Variants in SNX29 observed in about 807,000 individuals in gnomAD.
SNX29 encodes sorting nexin 29, also known as sorting nexin-29.
SNX29 carries 78 observed loss-of-function variants against 102.1 expected under a neutral mutation model. That is an observed-to-expected ratio of 0.76 (90% CI 0.64 to 0.92). SNX29 has a LOEUF of 0.92. Ranked by LOEUF, SNX29 falls within the 40% of genes least tolerant of loss-of-function variation. SNX29 has a pLI of 0.00. For synonymous variants in SNX29, 580 were observed against 414.5 expected (o/e 1.40, Z -4.85); for missense variants, 1,280 against 1,061.7 (o/e 1.21, Z -2.86).
At chr16:12,348,373 G>C (rs558101717) in intron 15 of SNX29, among the ~76,000 whole-genome samples, 12 of 152,292 alleles carry the variant, frequency 7.9e-5, no homozygotes, top group African/African-American at 2.9e-4. Flanking sequence ...GTCTCCTTTG[G>C]CCTTGCATTG....
rs373777114 is a variant in SNX29, at chr16:11,985,633, G to A, written c.7+8820G>A. ...ACTGTGATTTTGGTTGGCCAGGTCT[G>A]GACCATAAGTCTAGTCTGGAGCCTG... On this transcript the variant is annotated intron_variant, in intron 1 of 20. Coordinates refer to ENST00000566228, the MANE Select transcript of SNX29 (RefSeq NM_032167.5). Among the ~76,000 whole-genome samples, 19 of 152,256 alleles carry A rather than the reference G, an allele frequency of 1.2e-4. No homozygotes were observed. The South Asian group carries it at 3.7e-3, about 30-fold the overall frequency.
At chr16:12,495,460 C>T (rs993091161) in intron 19 of SNX29, among the ~76,000 whole-genome samples, 1 of 152,306 alleles carries the variant, frequency 6.6e-6, no homozygotes, top group East Asian at 1.9e-4. Flanking sequence ...ATCTGGAATT[C>T]TGTCTCCTGG....
intron 18 of SNX29, among the ~76,000 whole-genome samples, chr16:12,439,152 G>A (rs749453331): frequency 1.3e-5 from 2 of 152,198 alleles, no homozygotes; most frequent in African/African-American, 4.8e-5. Flanking sequence ...CCTGGTTGCA[G>A]GGGCACCTGA....
intron 14 of SNX29, among the ~76,000 whole-genome samples, chr16:12,246,099 T>TA (rs2078252862): frequency 6.6e-6 from 1 of 152,216 alleles, no homozygotes; most frequent in African/African-American, 2.4e-5. Context: ...ACTTCCCACA[T>TA]AAAGCACAGG....
chr16:12,341,749 C>G (rs1426118103), intron 15 of SNX29, among the ~76,000 whole-genome samples: 2 of 152,184 alleles, frequency 1.3e-5, no homozygotes, highest in Non-Finnish European at 2.9e-5. Flanking sequence ...TCACTTCCAC[C>G]TGGAACTCGT....
intron 14 of SNX29, among the ~76,000 whole-genome samples, chr16:12,252,174 A>G (rs530764489): frequency 1.3e-5 from 2 of 152,344 alleles, no homozygotes; most frequent in African/African-American, 2.4e-5. Context: ...GGGTTTCTGC[A>G]TACAGAATTG....
In SNX29 at chr16:12,480,329, C is replaced by G. The variant is rs74921480; in HGVS notation, c.2178+2470C>G. Among the ~76,000 whole-genome samples, 932 of 152,250 alleles carry G rather than the reference C, an allele frequency of 6.1e-3. 15 individuals are homozygous for G. The highest frequency in any genetic ancestry group is 0.021 in the African/African-American group (888 of 41,534). On this transcript the variant is annotated intron_variant, in intron 19 of 20. Coordinates refer to ENST00000566228, the MANE Select transcript of SNX29 (RefSeq NM_032167.5). ...TTGCTTTTTCAGCTTCTCAAGGCCACCCTCATTTTTGCCTTATGGCCTTCT... is the reference window on the plus strand; with the variant it reads ...TTGCTTTTTCAGCTTCTCAAGGCCAGCCTCATTTTTGCCTTATGGCCTTCT...
intron 18 of SNX29, among the ~76,000 whole-genome samples, chr16:12,469,740 G>A (rs992488891): frequency 1.3e-5 from 2 of 152,210 alleles, no homozygotes; most frequent in African/African-American, 4.8e-5. Flanking sequence ...TGGGCGCAGG[G>A]TGGCTCACGC....
At chr16:12,383,772 C>CTTTTTT (rs58531196) in intron 16 of SNX29, among the ~76,000 whole-genome samples, 9 of 105,940 alleles carry the variant, frequency 8.5e-5, no homozygotes, top group African/African-American at 2.3e-4. Flanking sequence ...CGTCAACTTT[C>CTTTTTT]TTTTTTTTTT....
intron 20 of SNX29, chr16:12,526,553 C>T (rs1162237742): frequency 3.8e-6 from 2 of 526,548 alleles, no homozygotes; most frequent in South Asian, 3.1e-5. Context: ...ATGCCAGGGA[C>T]TGGATCTCAC....
At chr16:12,326,219 C>T (rs2081113018) in intron 15 of SNX29, among the ~76,000 whole-genome samples, 1 of 151,928 alleles carries the variant, frequency 6.6e-6, no homozygotes, top group East Asian at 2.0e-4. Context: ...GCCATGTTGG[C>T]CAGGCTGGTC....
intron 15 of SNX29, among the ~76,000 whole-genome samples, chr16:12,306,716 A>C (rs79799183): frequency 6.6e-6 from 1 of 152,222 alleles, no homozygotes; most frequent in Non-Finnish European, 1.5e-5. Context: ...TGGGGATAAT[A>C]TTCAATATTG....
intron 4 of SNX29, among the ~76,000 whole-genome samples, chr16:12,031,577 C>T (rs377508581): frequency 6.2e-4 from 94 of 151,630 alleles, no homozygotes; most frequent in East Asian, 3.1e-3. Flanking sequence ...GAGGCTGAGG[C>T]GGGCGGATCA....
intron 18 of SNX29, among the ~76,000 whole-genome samples, chr16:12,453,422 A>AT (rs956817134): frequency 3.9e-5 from 6 of 152,208 alleles, no homozygotes; most frequent in African/African-American, 1.4e-4. Flanking sequence ...TATAACCCCA[A>AT]TTTATTTCCT....
At chr16:12,315,048 T>C (rs755542510) in intron 15 of SNX29, among the ~76,000 whole-genome samples, 1 of 152,210 alleles carries the variant, frequency 6.6e-6, no homozygotes, top group East Asian at 1.9e-4. Context: ...TCTGCACATA[T>C]CTTAATTATG....
intron 18 of SNX29, among the ~76,000 whole-genome samples, chr16:12,435,387 G>T (rs1458672491): frequency 3.3e-5 from 5 of 152,226 alleles, no homozygotes; most frequent in African/African-American, 1.2e-4. Context: ...TGACCAGCGA[G>T]GAGACGGTCA....
intron 20 of SNX29, among the ~76,000 whole-genome samples, chr16:12,563,056 T>G (rs1445292335): frequency 6.6e-6 from 1 of 152,062 alleles, no homozygotes; most frequent in Non-Finnish European, 1.5e-5. Flanking sequence ...CACCTCGAAA[T>G]GTAGGTACTG....
intron 14 of SNX29, among the ~76,000 whole-genome samples, chr16:12,219,028 C>A (rs1290931249): frequency 1.3e-5 from 2 of 152,132 alleles, no homozygotes; most frequent in Non-Finnish European, 2.9e-5. Flanking sequence ...CCCGCCTTGG[C>A]CTCCCAAAGT....
intron 18 of SNX29, among the ~76,000 whole-genome samples, chr16:12,448,763 G>A (rs1433172004): frequency 6.6e-6 from 1 of 152,212 alleles, no homozygotes; most frequent in Non-Finnish European, 1.5e-5. Context: ...TCATAGTCAT[G>A]TCTGTCAGTC....
Sources: allele counts gnomAD v4.1 joint callset (sites outside exome capture counted in the v4.1 genomes callset), GRCh38; gene constraint gnomAD v4.1.1; transcripts MANE v1.5; gene names NCBI Gene and HGNC (gene_info 2026-07-23, HGNC 2026-07-21).